SH3RF3: variants seen among roughly 807,000 people sequenced by gnomAD.
SH3RF3 encodes the protein SH3 domain containing ring finger 3, also known as E3 ubiquitin-protein ligase SH3RF3.
A neutral mutation model predicts 66.3 loss-of-function variants in SH3RF3; 29 were observed. That is an observed-to-expected ratio of 0.44 (90% confidence interval 0.33 to 0.60). The LOEUF is 0.60. Among genes scored for constraint, SH3RF3 ranks in the 20% least tolerant of loss-of-function variants. SH3RF3 has a pLI of 0.04. For missense variants in SH3RF3, 1,194 were observed against 1,190.9 expected, an observed-to-expected ratio of 1.00 and a Z score of -0.04; for synonymous variants, 583 against 532.0, an observed-to-expected ratio of 1.10 and a Z score of -1.32.
chr2:109,149,899 G>T (rs1677191493), intron 1 of SH3RF3, among the ~76,000 whole-genome samples: 2 of 152,164 alleles, frequency 1.3e-5, no homozygotes, highest in Admixed American at 1.3e-4. Flanking sequence ...CCAGTGGAAG[G>T]TTGAAATCAC....
chr2:109,374,705 A>C (rs1242706025), intron 3 of SH3RF3, among the ~76,000 whole-genome samples: 1 of 152,170 alleles, frequency 6.6e-6, no homozygotes. Flanking sequence ...ATGCTCACGT[A>C]AGCTTGGATT....
At chr2:109,349,612 G>A (rs572883387) in intron 2 of SH3RF3, among the ~76,000 whole-genome samples, 18 of 152,302 alleles carry the variant, frequency 1.2e-4, no homozygotes, top group South Asian at 4.1e-4. Flanking sequence ...TAAGGAGACA[G>A]ACCCCATAAT....
intron 1 of SH3RF3, among the ~76,000 whole-genome samples, chr2:109,249,220 C>A (rs995405503): frequency 6.6e-6 from 1 of 152,346 alleles, no homozygotes; most frequent in African/African-American, 2.4e-5. Flanking sequence ...GCAACTCCCC[C>A]CCGACTCCTA....
rs1467103798 is a variant in SH3RF3 at position 109,272,872 on chromosome 2, C to T, written c.574-74802C>T. 2.6e-5 allele frequency among the ~76,000 whole-genome samples: 4 copies of T among 152,198 alleles called. No individual in the cohort carries two copies. The East Asian group carries it at 7.7e-4, about 29-fold the overall frequency. On this transcript the variant is annotated intron_variant, in intron 1 of 9. Transcript: ENST00000309415. ...CTGGTGTTCTGTCGGCAAACGTTCT[C>T]TAACATCCCTGACCCGGTTCCCTTG...
intron 3 of SH3RF3, among the ~76,000 whole-genome samples, chr2:109,389,265 C>T (rs1000536731): frequency 2.6e-5 from 4 of 152,196 alleles, no homozygotes; most frequent in South Asian, 2.1e-4. Context: ...GGCCAGGCCC[C>T]GCTCCTTGTG....
chr2:109,288,240 A>G (rs754772045), intron 1 of SH3RF3, among the ~76,000 whole-genome samples: 1 of 152,248 alleles, frequency 6.6e-6, no homozygotes, highest in Non-Finnish European at 1.5e-5. Flanking sequence ...AAGAACAAAG[A>G]AAGTTAAAAA....
intron 1 of SH3RF3, among the ~76,000 whole-genome samples, chr2:109,296,362 G>A (rs1681307733): frequency 1.3e-5 from 2 of 151,944 alleles, no homozygotes; most frequent in Non-Finnish European, 2.9e-5. Flanking sequence ...CGAGTAGCTG[G>A]GATTACAGGT....
intron 1 of SH3RF3, among the ~76,000 whole-genome samples, chr2:109,311,748 G>A (rs981123331): frequency 2.0e-5 from 3 of 151,354 alleles, no homozygotes; most frequent in African/African-American, 7.4e-5. Flanking sequence ...CTCTGAAAAG[G>A]GCGCTAATTT....
At chr2:109,224,015 A>G (rs940266125) in intron 1 of SH3RF3, among the ~76,000 whole-genome samples, 1 of 152,174 alleles carries the variant, frequency 6.6e-6, no homozygotes, top group Non-Finnish European at 1.5e-5. Context: ...AACAAATTCA[A>G]TCAATAAAAT....
chr2:109,200,383 C>A (rs1412622798), intron 1 of SH3RF3, among the ~76,000 whole-genome samples: 1 of 152,020 alleles, frequency 6.6e-6, no homozygotes, highest in East Asian at 1.9e-4. Context: ...GGTTTTCTGT[C>A]ATCTGCCTTG....
chr2:109,276,790 T>C (rs1680768129), intron 1 of SH3RF3, among the ~76,000 whole-genome samples: 1 of 152,250 alleles, frequency 6.6e-6, no homozygotes, highest in Admixed American at 6.5e-5. Context: ...GACTTACATA[T>C]ATATATACTA....
chr2:109,295,575 A>G (rs1173862054), intron 1 of SH3RF3, among the ~76,000 whole-genome samples: 1 of 152,200 alleles, frequency 6.6e-6, no homozygotes, highest in Non-Finnish European at 1.5e-5. Context: ...GTGGAGGGCC[A>G]GGTGGTGATC....
chr2:109,427,299 C>G (rs919624813), intron 5 of SH3RF3, among the ~76,000 whole-genome samples: 14 of 151,384 alleles, frequency 9.2e-5, no homozygotes, highest in South Asian at 2.1e-4. Flanking sequence ...AAGGTACTTA[C>G]ATTTTTTTAG....
intron 1 of SH3RF3, among the ~76,000 whole-genome samples, chr2:109,315,018 C>T (rs1025376): frequency 0.31 from 47,668 of 152,140 alleles, 9,237 homozygotes; most frequent in African/African-American, 0.55. Flanking sequence ...AGGTAGCCAC[C>T]GACCACACTC....
intron 5 of SH3RF3, among the ~76,000 whole-genome samples, chr2:109,425,362 C>T (rs1036355637): frequency 3.3e-5 from 5 of 151,852 alleles, no homozygotes; most frequent in South Asian, 2.1e-4. Context: ...ATGAAGGTGG[C>T]GACACTAAAC....
intron 1 of SH3RF3, among the ~76,000 whole-genome samples, chr2:109,220,408 A>C (rs566091153): frequency 7.1e-4 from 108 of 152,358 alleles, no homozygotes; most frequent in African/African-American, 2.5e-3. Flanking sequence ...AGGCAATACA[A>C]GAAAAAAATA....
Position 109,437,140 on chromosome 2 carries a change from T to G in SH3RF3, c.1822T>G (p.Ser608Ala). 1.2e-6 allele frequency: 2 copies of G among 1,609,896 alleles called. No homozygotes were observed. Among genetic ancestry groups the G allele is most frequent in the Non-Finnish European group, 1.7e-6 (2 of 1,177,344 alleles). ...PTASQARSTI[S>A]TAAHSAAQAQ... The stretch of plus-strand genomic sequence containing the variant: ...GGCCAGCCAAGCCCGGAGCACCATT[T>G]CAACAGGTACCTTCACAGGGGCCTC... The change falls in exon 7 of 10, where the codon TCA becomes GCA. Residue 608 changes from serine to alanine, a missense_variant. Transcript: ENST00000309415.
intron 3 of SH3RF3, among the ~76,000 whole-genome samples, chr2:109,380,781 G>C (rs1683492827): frequency 6.6e-6 from 1 of 152,182 alleles, no homozygotes; most frequent in Non-Finnish European, 1.5e-5. Context: ...CTGCCCACCA[G>C]GTGCCCCCCA....
intron 5 of SH3RF3, among the ~76,000 whole-genome samples, chr2:109,427,249 G>C (rs561541307): frequency 6.6e-6 from 1 of 152,156 alleles, no homozygotes; most frequent in African/African-American, 2.4e-5. Flanking sequence ...GATTACAGGC[G>C]TGAGTCACCG....
Sources: gnomAD v4.1 joint callset for allele counts (sites outside exome capture counted in the v4.1 genomes callset) on GRCh38, gnomAD v4.1.1 for gene constraint, MANE v1.5 for transcripts, NCBI Gene and HGNC (gene_info 2026-07-23, HGNC 2026-07-21) for gene names.